Variants in SORBS2 observed in about 807,000 individuals in gnomAD.
The protein encoded by SORBS2 is sorbin and SH3 domain containing 2.
SORBS2 carries 46 observed loss-of-function variants against 97.7 expected under a neutral mutation model. The observed-to-expected ratio is 0.47, with a 90% CI of 0.37 to 0.60. SORBS2 has a LOEUF of 0.60. Among genes scored for constraint, SORBS2 ranks in the 20% least tolerant of loss-of-function variants. The pLI, the probability that SORBS2 is intolerant of heterozygous loss-of-function variation, is 0.00. For synonymous variants in SORBS2, 476 were observed against 473.4 expected (o/e 1.01, Z -0.07); for missense variants, 1,316 against 1,282.3 (o/e 1.03, Z -0.40).
At chr4:185,604,377 A>T (rs916459618) in intron 12 of SORBS2, among the ~76,000 whole-genome samples, 5 of 152,178 alleles carry the variant, frequency 3.3e-5, no homozygotes, top group Admixed American at 6.5e-5. Flanking sequence ...CCTGTTGATA[A>T]GAATATTTAG....
chr4:185,590,538 G>A (rs1213391280), intron 13 of SORBS2, among the ~76,000 whole-genome samples: 2 of 152,086 alleles, frequency 1.3e-5, no homozygotes, highest in African/African-American at 4.8e-5. Flanking sequence ...TTTTTAAAAT[G>A]AGTCCCAGAA....
intron 1 of SORBS2, among the ~76,000 whole-genome samples, chr4:185,848,304 C>G (rs560610026): frequency 6.6e-6 from 1 of 152,150 alleles, no homozygotes; most frequent in South Asian, 2.1e-4. Context: ...ACCACAGAAC[C>G]CCTAATATCA....
intron 2 of SORBS2, among the ~76,000 whole-genome samples, chr4:185,687,272 C>T (rs1036209422): frequency 1.3e-5 from 2 of 152,158 alleles, no homozygotes; most frequent in African/African-American, 4.8e-5. Flanking sequence ...AAGCGATCCT[C>T]CTGGCTCAGC....
upstream of SORBS2, among the ~76,000 whole-genome samples, chr4:185,659,831 C>T (rs967961957): frequency 3.3e-5 from 5 of 152,136 alleles, no homozygotes; most frequent in African/African-American, 9.7e-5. Flanking sequence ...TTATTAGCGA[C>T]GAATGTTTTT....
At chr4:185,600,628 T>C (rs10049902) in intron 12 of SORBS2, among the ~76,000 whole-genome samples, 21,803 of 152,162 alleles carry the variant, frequency 0.14, 1,919 homozygotes, top group African/African-American at 0.24. Context: ...TGTCAGCCAC[T>C]GCGCCCGGCC....
At chr4:185,642,415 T>A (rs1205830389) in intron 4 of SORBS2, among the ~76,000 whole-genome samples, 11 of 151,912 alleles carry the variant, frequency 7.2e-5, no homozygotes, top group African/African-American at 1.9e-4. Context: ...TTTTTTTTTT[T>A]AAATTTAACA....
chr4:185,610,626 T>C (rs1387087844), intron 12 of SORBS2, among the ~76,000 whole-genome samples: 2 of 152,158 alleles, frequency 1.3e-5, no homozygotes, highest in African/African-American at 2.4e-5. Context: ...TTTCCTCATA[T>C]AAAATCCTTC....
intron 12 of SORBS2, among the ~76,000 whole-genome samples, chr4:185,605,304 T>C (rs1329512713): frequency 6.6e-6 from 1 of 152,236 alleles, no homozygotes; most frequent in Non-Finnish European, 1.5e-5. Context: ...ATTTTTGAAA[T>C]GGAGTTTTGC....
intron 4 of SORBS2, among the ~76,000 whole-genome samples, chr4:185,671,504 C>T (rs142557071): frequency 3.5e-3 from 527 of 152,228 alleles, no homozygotes; most frequent in Non-Finnish European, 5.4e-3. Context: ...ATGGATAAAA[C>T]CCATCTCTTA....
At chr4:185,721,420 T>C (rs2098513886) in intron 2 of SORBS2, among the ~76,000 whole-genome samples, 1 of 152,164 alleles carries the variant, frequency 6.6e-6, no homozygotes, top group African/African-American at 2.4e-5. Context: ...TTGATCTCTT[T>C]GCAGACAAGA....
intron 1 of SORBS2, among the ~76,000 whole-genome samples, chr4:185,938,660 T>C (rs2099270298): frequency 6.6e-6 from 1 of 152,074 alleles, no homozygotes; most frequent in Admixed American, 6.5e-5. Flanking sequence ...ACACTCTGGT[T>C]ACGTTCCACC....
chr4:185,931,812 G>C (rs4862599), intron 1 of SORBS2, among the ~76,000 whole-genome samples: 4 of 150,786 alleles, frequency 2.7e-5, no homozygotes, highest in Non-Finnish European at 5.9e-5. Flanking sequence ...GAGACAGACA[G>C]ACACACACAC....
At chr4:185,602,593 A>T (rs2096288404) in intron 12 of SORBS2, among the ~76,000 whole-genome samples, 1 of 152,224 alleles carries the variant, frequency 6.6e-6, no homozygotes, top group South Asian at 2.1e-4. Context: ...TAAAAATGTT[A>T]TTACAATGAT....
chr4:185,606,926 C>T lies in SORBS2; in HGVS notation c.2796+4854G>A. The T allele has an allele frequency of 3.0e-6, 3 of 990,704 alleles. No homozygotes were observed. Among genetic ancestry groups the T allele is most frequent in the South Asian group, 4.6e-5 (1 of 21,822 alleles). 61.4% of individuals were successfully genotyped at this position (990,704 alleles called of 1,614,324 possible). ...GGTGCCTTTTTAGGGTCTGAGAAGC[C>T]CCTTCTCATTTTTCTCAACTCTGCA... On this transcript the variant is annotated intron_variant, in intron 12 of 14. Coordinates refer to ENST00000418609, the Ensembl canonical transcript of SORBS2. This position sits in a 1 kb window ranked among gnomAD's most constrained non-coding sequence, Gnocchi z 4.3.
chr4:185,709,320 T>TTTTTC (rs1181008953), intron 2 of SORBS2, among the ~76,000 whole-genome samples: 2 of 140,978 alleles, frequency 1.4e-5, no homozygotes, highest in African/African-American at 5.3e-5. Context: ...TTTTTTTTTT[T>TTTTTC]TTTTAGTAAA....
chr4:185,666,019 G>A, intron 4 of SORBS2: 1 of 1,289,316 alleles, frequency 7.8e-7, no homozygotes, highest in Non-Finnish European at 1.0e-6. Flanking sequence ...CAGGCGTGAA[G>A]ACCCCACACC....
intron 1 of SORBS2, among the ~76,000 whole-genome samples, chr4:185,907,131 A>G (rs928946390): frequency 1.3e-5 from 2 of 148,916 alleles, no homozygotes; most frequent in East Asian, 2.0e-4. Context: ...GCAAAACTCC[A>G]TCATAACAAA....
rs575164508 is a variant in SORBS2 at position 185,671,490 on chromosome 4, A to G, written c.-46+6933T>C. Among the ~76,000 whole-genome samples, 3 of 152,286 alleles carry G rather than the reference A, an allele frequency of 2.0e-5. No individual in the cohort carries two copies. The South Asian group carries it at 6.2e-4, about 32-fold the overall frequency. On this transcript the variant is annotated intron_variant, in intron 4 of 20. Coordinates refer to the SORBS2 transcript ENST00000284776. ...CTCAGTTCCTTCATGTGTAAAATATAGGCATGGATAAAACCCATCTCTTAA... is the reference window on the plus strand; with the variant it reads ...CTCAGTTCCTTCATGTGTAAAATATGGGCATGGATAAAACCCATCTCTTAA...
intron 1 of SORBS2, among the ~76,000 whole-genome samples, chr4:185,890,720 T>G (rs1314343833): frequency 6.6e-6 from 1 of 152,210 alleles, no homozygotes; most frequent in Non-Finnish European, 1.5e-5. Context: ...TTCACAGCTG[T>G]ATGCACTCAG....
Sources: allele counts gnomAD v4.1 joint callset (sites outside exome capture counted in the v4.1 genomes callset), GRCh38; gene constraint gnomAD v4.1.1; non-coding constraint Gnocchi (gnomAD v3.1); transcripts MANE v1.5; gene names NCBI Gene and HGNC (gene_info 2026-07-23, HGNC 2026-07-21).